Variants in ANO4 observed in about 807,000 individuals in gnomAD.
ANO4 encodes anoctamin 4.
Under a neutral mutation model 141.9 loss-of-function variants are expected in ANO4, and 69 were observed. The ratio of observed to expected loss-of-function variants is 0.49; its 90% CI spans 0.40 to 0.59. The LOEUF (loss-of-function observed/expected upper bound fraction) is 0.59, where lower values mean the gene tolerates loss of function less well. Among genes scored for constraint, ANO4 ranks in the 20% least tolerant of loss-of-function variants. The pLI is 0.00. For missense variants in ANO4, 894 were observed against 1,162.2 expected (o/e 0.77, Z 3.36); for synonymous variants, 350 against 394.3 (o/e 0.89, Z 1.33).
At chr12:100,924,629 A>G (rs618859) in intron 3 of ANO4, among the ~76,000 whole-genome samples, 57,529 of 152,050 alleles carry the variant, frequency 0.38, 11,243 homozygotes, top group African/African-American at 0.45. Context: ...GAGAATAAAA[A>G]TCAGATTATT....
At chr12:101,126,225 A>ATACTT (rs1434269178) in intron 26 of ANO4, among the ~76,000 whole-genome samples, 2 of 152,178 alleles carry the variant, frequency 1.3e-5, no homozygotes, top group African/African-American at 4.8e-5. Flanking sequence ...TCTCTATTTA[A>ATACTT]TACTTTAGAA....
At chr12:101,021,975 G>A (rs1267069890) in intron 9 of ANO4, among the ~76,000 whole-genome samples, 3 of 148,000 alleles carry the variant, frequency 2.0e-5, no homozygotes, top group Non-Finnish European at 4.4e-5. Context: ...AACATCATAA[G>A]AGGAACAGAT....
chr12:101,083,570 T>G, intron 15 of ANO4, 108 bp from the exon 16 acceptor site: 2 of 1,347,972 alleles, frequency 1.5e-6, no homozygotes, highest in Non-Finnish European at 2.0e-6. Flanking sequence ...GTTGACTAAT[T>G]AGTGTGGCAG....
chr12:100,849,064 G>A (rs1191815111), intron 1 of ANO4, among the ~76,000 whole-genome samples: 2 of 152,174 alleles, frequency 1.3e-5, no homozygotes, highest in Non-Finnish European at 2.9e-5. Flanking sequence ...CATGTGGAGA[G>A]CACTTAACAA....
chr12:101,052,001 T>G (rs2047892440), intron 14 of ANO4, among the ~76,000 whole-genome samples: 1 of 152,176 alleles, frequency 6.6e-6, no homozygotes. Flanking sequence ...ACAAATGCAC[T>G]CTATTTTCAG....
At chr12:100,872,544 A>G (rs907085007) in intron 1 of ANO4, among the ~76,000 whole-genome samples, 20 of 152,248 alleles carry the variant, frequency 1.3e-4, no homozygotes, top group Non-Finnish European at 2.9e-4. Flanking sequence ...CAGCTAAGCA[A>G]GTCATTAAAA....
intron 17 of ANO4, 54 bp downstream of exon 17, chr12:101,086,878 G>A: frequency 6.3e-7 from 1 of 1,583,496 alleles, no homozygotes; most frequent in Non-Finnish European, 8.6e-7. Flanking sequence ...GGCTGCAAGT[G>A]ACAGTTTTCT....
intron 1 of ANO4, among the ~76,000 whole-genome samples, chr12:100,857,656 C>T (rs1166645147): frequency 6.6e-6 from 1 of 152,116 alleles, no homozygotes; most frequent in Non-Finnish European, 1.5e-5. Context: ...CAAACAATGA[C>T]ATCATTAAAT....
intron 1 of ANO4, among the ~76,000 whole-genome samples, chr12:100,733,481 C>A (rs1428403814): frequency 3.9e-5 from 6 of 152,156 alleles, no homozygotes; most frequent in Non-Finnish European, 8.8e-5. Flanking sequence ...TAACTCCCTG[C>A]CCCCAACTGC....
chr12:100,920,399 GCT>G (rs2041576016), intron 2 of ANO4, among the ~76,000 whole-genome samples: 1 of 152,110 alleles, frequency 6.6e-6, no homozygotes, highest in African/African-American at 2.4e-5. Flanking sequence ...CCAGAGCCAG[GCT>G]GATAATTGAA....
intron 1 of ANO4, among the ~76,000 whole-genome samples, chr12:100,810,732 T>A (rs2035371661): frequency 6.6e-6 from 1 of 151,640 alleles, no homozygotes; most frequent in Admixed American, 6.6e-5. Flanking sequence ...GTAGATTAGA[T>A]AACTGCTAAG....
At chr12:100,832,785 C>T (rs953317060) in intron 1 of ANO4, among the ~76,000 whole-genome samples, 6 of 152,080 alleles carry the variant, frequency 3.9e-5, no homozygotes, top group African/African-American at 1.4e-4. Flanking sequence ...AGGAACTCAC[C>T]ATTTTGAGCT....
At chr12:100,745,268 A>T (rs191820707) in intron 3 of ANO4, among the ~76,000 whole-genome samples, 2 of 152,254 alleles carry the variant, frequency 1.3e-5, no homozygotes, top group African/African-American at 4.8e-5. Context: ...CTTCTCCTAG[A>T]ATATTCTTAT....
At chr12:100,844,303 A>G (rs1727888028) in intron 1 of ANO4, among the ~76,000 whole-genome samples, 1 of 152,032 alleles carries the variant, frequency 6.6e-6, no homozygotes, top group Admixed American at 6.6e-5. Flanking sequence ...CTGAGGGGAA[A>G]CTGGATTTTA....
chr12:101,097,611 C>T (rs1455808100), intron 19 of ANO4, 40 bp from the exon 20 acceptor site: 3 of 1,592,062 alleles, frequency 1.9e-6, no homozygotes, highest in South Asian at 1.1e-5. Context: ...AAAGCTTGGA[C>T]CTAGAGCACT....
intron 1 of ANO4, among the ~76,000 whole-genome samples, chr12:100,733,003 C>T (rs2031446355): frequency 3.3e-5 from 5 of 152,156 alleles, no homozygotes; most frequent in Admixed American, 3.3e-4. Flanking sequence ...TCTCTGTCTC[C>T]ACTGCCACTC....
intron 1 of ANO4, among the ~76,000 whole-genome samples, chr12:100,719,512 A>G (rs2030764550): frequency 6.6e-6 from 1 of 152,116 alleles, no homozygotes; most frequent in Non-Finnish European, 1.5e-5. Context: ...TCCCCTGTCA[A>G]TTCTGTTGGA....
At chr12:100,798,919 A>G (rs1481842698) in intron 1 of ANO4, among the ~76,000 whole-genome samples, 8 of 152,176 alleles carry the variant, frequency 5.3e-5, no homozygotes, top group Non-Finnish European at 1.0e-4. Flanking sequence ...AGCCATTCTT[A>G]TAGAAAGCAG....
chr12:100,774,809 A>C (rs4764994), intron 3 of ANO4, among the ~76,000 whole-genome samples: 49,922 of 152,096 alleles, frequency 0.33, 9,202 homozygotes, highest in East Asian at 0.53. Context: ...CACTTTCCCT[A>C]TAGCAAAACC....
Sources: allele counts gnomAD v4.1 joint callset (sites outside exome capture counted in the v4.1 genomes callset), GRCh38; gene constraint gnomAD v4.1.1; transcripts MANE v1.5; gene names NCBI Gene and HGNC (gene_info 2026-07-23, HGNC 2026-07-21).